The following SMARCA2 variants were observed in gnomAD, a reference collection of about 807,000 sequenced individuals.
SMARCA2 encodes SWI/SNF-related matrix-associated actin-dependent regulator of chromatin subfamily A member 2.
SMARCA2 carries 61 observed loss-of-function variants against 199.8 expected under a neutral mutation model. The ratio of observed to expected loss-of-function variants is 0.31; its 90% CI spans 0.25 to 0.38. SMARCA2 has a LOEUF of 0.38. Ranked by LOEUF, SMARCA2 falls within the 10% of genes least tolerant of loss-of-function variation. The probability of loss-of-function intolerance (pLI) is 1.00; values close to 1 mark genes in which losing one functional copy is unlikely to be tolerated. For missense variants in SMARCA2, 1,344 were observed against 2,012.2 expected, an observed-to-expected ratio of 0.67 and a Z score of 6.35; for synonymous variants, 935 against 732.0, an observed-to-expected ratio of 1.28 and a Z score of -4.48.
At chr9:2,106,737 C>T (rs904899700) in intron 23 of SMARCA2, among the ~76,000 whole-genome samples, 2 of 152,168 alleles carry the variant, frequency 1.3e-5, no homozygotes, top group Non-Finnish European at 2.9e-5. Flanking sequence ...ATTATGGTTG[C>T]ATGAATAGAT....
rs1236735124 is a variant in SMARCA2 at position 2,016,842 on chromosome 9, C to T, written c.-37+1438C>T. On this transcript the variant is annotated intron_variant, in intron 1 of 33. Coordinates refer to ENST00000349721, the MANE Select transcript of SMARCA2 (RefSeq NM_003070.5). The surrounding 1 kb of genome is among the most constrained non-coding windows in gnomAD (Gnocchi z 5.6). ...CCCTCCACCCGGCCGTCTTCCCTTC[C>T]TCCCGTTTGCGTTGCAAAACACGGC... Among the ~76,000 whole-genome samples the T allele has an allele frequency of 1.3e-5, 2 of 152,226 alleles. No homozygotes were observed. The highest frequency in any genetic ancestry group is 2.9e-5 in the Non-Finnish European group (2 of 68,024).
chr9:2,160,810 T>C (rs750616883), intron 27 of SMARCA2: 1 of 425,196 alleles, frequency 2.4e-6, no homozygotes, highest in Non-Finnish European at 4.2e-6. Context: ...AAATTTTATG[T>C]TCTTTTTTTT....
At chr9:2,117,102 TG>T (rs913836804) in intron 25 of SMARCA2, among the ~76,000 whole-genome samples, 3 of 152,264 alleles carry the variant, frequency 2.0e-5, no homozygotes, top group Non-Finnish European at 4.4e-5. Context: ...TTAAGTCTAG[TG>T]GAGTACTGAA....
chr9:2,164,391 C>T (rs928449781), intron 28 of SMARCA2, among the ~76,000 whole-genome samples: 2 of 152,194 alleles, frequency 1.3e-5, no homozygotes, highest in African/African-American at 4.8e-5. Context: ...CTGACATTCA[C>T]CAGCTATGGG....
At chr9:2,095,041 A>G (rs1822212974) in intron 19 of SMARCA2, among the ~76,000 whole-genome samples, 1 of 152,020 alleles carries the variant, frequency 6.6e-6, no homozygotes, top group Non-Finnish European at 1.5e-5. Context: ...TTTCTAAAAT[A>G]TTATACCTTG....
In SMARCA2 at chr9:2,016,609, G is replaced by A. The variant is rs1184563820; in HGVS notation, c.-37+1205G>A. Reference sequence around the variant, plus strand: ...TGCCTGACTGTCACAAACAGGACCCGCGCACCACCGGGCAGCGGCGGTGTG... The same window carrying A: ...TGCCTGACTGTCACAAACAGGACCCACGCACCACCGGGCAGCGGCGGTGTG... On this transcript the variant is annotated intron_variant, in intron 1 of 33. Coordinates refer to ENST00000349721, the MANE Select transcript of SMARCA2 (RefSeq NM_003070.5). This position sits in a 1 kb window ranked among gnomAD's most constrained non-coding sequence, Gnocchi z 5.6. Among the ~76,000 whole-genome samples the A allele has an allele frequency of 6.8e-6, 1 of 147,718 alleles. No homozygotes were observed. The highest frequency in any genetic ancestry group is 1.5e-5 in the Non-Finnish European group (1 of 66,600).
At position 2,088,871 on chromosome 9, in the gene SMARCA2, A is replaced by T. The variant is rs866286384; in HGVS notation, c.2883+258A>T. On this transcript the variant is annotated intron_variant, in intron 19 of 33. Transcript: ENST00000349721. ...ATTCACTGAGTCTCATTTACATTTT[A>T]ATTTTAGATTTTTTTTTTTTTTTAA... 1.4e-3 allele frequency among the ~76,000 whole-genome samples: 169 copies of T among 122,648 alleles called. 1 individual carries two copies. The highest frequency in any genetic ancestry group is 0.011 in the Middle Eastern group (3 of 282). The allele number at this position is 122,648 out of a possible 152,430, so 80.5% of individuals were successfully genotyped here.
intron 28 of SMARCA2, among the ~76,000 whole-genome samples, chr9:2,165,101 A>G (rs892044014): frequency 1.3e-5 from 2 of 152,212 alleles, no homozygotes; most frequent in Admixed American, 6.5e-5. Context: ...TTGCACCATT[A>G]AAGTCAGTTA....
At chr9:2,176,710 G>A (rs997163140) in intron 29 of SMARCA2, among the ~76,000 whole-genome samples, 4 of 136,176 alleles carry the variant, frequency 2.9e-5, no homozygotes, top group East Asian at 4.4e-4. Flanking sequence ...ATGCCACCAC[G>A]CCTGGCTAAG....
intron 18 of SMARCA2, 57 bp from the exon 19 acceptor site, chr9:2,088,443 T>C (rs2130492526): frequency 6.5e-7 from 1 of 1,532,626 alleles, no homozygotes; most frequent in Non-Finnish European, 8.7e-7. Context: ...TAAAGCTTTA[T>C]TGTATGAAAC....
intron 12 of SMARCA2, among the ~76,000 whole-genome samples, chr9:2,075,698 T>C (rs58124192): frequency 0.44 from 66,526 of 151,924 alleles, 16,596 homozygotes; most frequent in African/African-American, 0.69. Flanking sequence ...GCTCTTGTTG[T>C]CCAGGCTGGA....
At chr9:2,083,924 A>C (rs1298611572) in intron 16 of SMARCA2, among the ~76,000 whole-genome samples, 162 bp from the exon 17 acceptor site, 1 of 152,252 alleles carries the variant, frequency 6.6e-6, no homozygotes, top group East Asian at 1.9e-4. Context: ...CAAGACGTGT[A>C]ATTTAGCCAA....
At chr9:2,111,046 GT>G (rs763044837) in intron 24 of SMARCA2, among the ~76,000 whole-genome samples, 233 of 142,318 alleles carry the variant, frequency 1.6e-3, no homozygotes, top group Middle Eastern at 3.6e-3. Context: ...TTGATGTTTT[GT>G]TTTTTTTTTT....
chr9:2,069,514 G>A (rs1034384943), intron 9 of SMARCA2, among the ~76,000 whole-genome samples: 2 of 151,400 alleles, frequency 1.3e-5, no homozygotes, highest in South Asian at 2.1e-4. Context: ...AGCCGAGATC[G>A]GGCCACCGCA....
rs190172342 is a variant in SMARCA2, at chr9:2,192,709, G to T, written c.4743G>T (p.Gln1581His). The T allele has an allele frequency of 3.5e-5, 57 of 1,606,632 alleles. No individual in the cohort carries two copies. Among genetic ancestry groups the T allele is most frequent in the African/African-American group, 8.0e-5 (6 of 74,916 alleles). ...DSDEEQDEREQSEGSGTDDE is the reference protein window; with the variant it reads ...DSDEEQDEREHSEGSGTDDE ...CTTCTTATTTTTACTTTTAGGAACA[G>T]TCAGAAGGAAGTGGGACGGATGATG... The change falls in exon 34 of 34, where the codon CAG (glutamine) becomes CAT (histidine). Residue 1581 changes from glutamine to histidine, a missense_variant. Physicochemically the swap from Gln to His is conservative, Grantham distance 24. Coordinates refer to ENST00000349721, the MANE Select transcript of SMARCA2 (RefSeq NM_003070.5).
intron 24 of SMARCA2, among the ~76,000 whole-genome samples, chr9:2,112,285 G>A (rs115711124): frequency 6.6e-6 from 1 of 152,222 alleles, no homozygotes; most frequent in African/African-American, 2.4e-5. Flanking sequence ...TTTTGAGGAC[G>A]ATCTATAGGT....
chr9:2,024,562 CT>C (rs1480787307), intron 1 of SMARCA2, among the ~76,000 whole-genome samples: 9 of 152,166 alleles, frequency 5.9e-5, no homozygotes, highest in Non-Finnish European at 1.2e-4. Flanking sequence ...CTTCTCTTTA[CT>C]TCTCTAGCCT....
At chr9:2,065,001 G>A (rs974572045) in intron 9 of SMARCA2, among the ~76,000 whole-genome samples, 11 of 152,282 alleles carry the variant, frequency 7.2e-5, no homozygotes, top group African/African-American at 1.7e-4. Context: ...TGGCTAACAT[G>A]TTGAAACCCC....
chr9:2,155,654 C>A (rs372710552), intron 27 of SMARCA2, among the ~76,000 whole-genome samples: 7 of 148,884 alleles, frequency 4.7e-5, no homozygotes, highest in African/African-American at 1.7e-4. Context: ...ATGTGTAAGC[C>A]GTAGCTCCCC....
Sources: gnomAD v4.1 joint callset for allele counts (sites outside exome capture counted in the v4.1 genomes callset) on GRCh38, gnomAD v4.1.1 for gene constraint, Gnocchi (gnomAD v3.1) non-coding constraint, MANE v1.5 for transcripts, NCBI Gene and HGNC (gene_info 2026-07-23, HGNC 2026-07-21) for gene names.